The following TRIM63 variants were observed in gnomAD, a reference collection of about 807,000 sequenced individuals.
The protein encoded by TRIM63 is tripartite motif containing 63, also known as E3 ubiquitin-protein ligase TRIM63.
TRIM63 carries 48 observed loss-of-function variants against 46.0 expected under a neutral mutation model. The ratio of observed to expected loss-of-function variants is 1.04; its 90% CI spans 0.83 to 1.33. The LOEUF is 1.33. Among genes scored for constraint, TRIM63 ranks in the 40% most tolerant of loss-of-function variants. The probability of loss-of-function intolerance (pLI) is 0.00; values close to 1 mark genes in which losing one functional copy is unlikely to be tolerated. For missense variants in TRIM63, 455 were observed against 441.2 expected (o/e 1.03, Z -0.28); for synonymous variants, 175 against 162.8 (o/e 1.08, Z -0.57).
intron 2 of TRIM63, among the ~76,000 whole-genome samples, chr1:26,064,835 A>G (rs1380009870): frequency 6.6e-6 from 1 of 152,094 alleles, no homozygotes. Flanking sequence ...GGGTTTTTTC[A>G]CCTGAGATCT....
chr1:26,054,438 G>C (rs2050550976), intron 7 of TRIM63, among the ~76,000 whole-genome samples: 1 of 152,166 alleles, frequency 6.6e-6, no homozygotes, highest in Admixed American at 6.5e-5. Context: ...TCCTTAGCCT[G>C]TGGAGGGGAG....
intron 7 of TRIM63, among the ~76,000 whole-genome samples, chr1:26,056,060 C>T (rs915818981): frequency 6.6e-6 from 1 of 152,160 alleles, no homozygotes; most frequent in Non-Finnish European, 1.5e-5. Flanking sequence ...TTCCTTGTTC[C>T]TTCATCATCC....
In TRIM63 at chr1:26,052,068, C is replaced by T. The variant is rs111488967; in HGVS notation, c.1052-185G>A. On this transcript the variant is annotated intron_variant, in intron 8 of 8. Coordinates refer to ENST00000374272, the MANE Select transcript of TRIM63 (RefSeq NM_032588.4). ...TGCCCAAATATTATGGATTGTACAT[C>T]AGTACAAAACTCCAAAAGACTACCT... Among the ~76,000 whole-genome samples, 1,224 of 152,300 alleles carry T rather than the reference C, an allele frequency of 8.0e-3. 16 individuals carry two copies. The highest frequency in any genetic ancestry group is 0.027 in the African/African-American group (1,134 of 41,562).
Position 26,051,780 on chromosome 1 carries a change from C to CCCA in TRIM63, c.*92_*93insTGG. The CCCA allele has an allele frequency of 1.5e-6, 1 of 657,778 alleles. No homozygotes were observed. Among genetic ancestry groups the CCCA allele is most frequent in the East Asian group, 3.5e-5 (1 of 28,394 alleles). The allele number at this position is 657,778 out of a possible 1,614,324, so 40.7% of individuals were successfully genotyped here. A position where few individuals can be genotyped will look rare whatever the true frequency, so the allele number is the denominator to read the frequency against. On this transcript the variant is annotated 3_prime_UTR_variant, in exon 9 of 9. Coordinates refer to ENST00000374272, the MANE Select transcript of TRIM63 (RefSeq NM_032588.4). ...CATTGCCCCTCCAGGGGCCCCGACC[C>CCCA]CTCCCACCCTGGGCCTGTCACCAAG...
chr1:26,058,914 C>T (rs2050597423), intron 4 of TRIM63, among the ~76,000 whole-genome samples: 1 of 152,124 alleles, frequency 6.6e-6, no homozygotes, highest in Admixed American at 6.6e-5. Flanking sequence ...CTTCCTTGTT[C>T]CTGCACCCTC....
chr1:26,062,810 C>T (rs1198803541), intron 2 of TRIM63, among the ~76,000 whole-genome samples: 1 of 152,108 alleles, frequency 6.6e-6, no homozygotes, highest in Non-Finnish European at 1.5e-5. Context: ...TTTGCCCAGG[C>T]TGGAGTGCAG....
chr1:26,064,324 G>A lies in TRIM63; in HGVS notation c.332+1944C>T, dbSNP rs1205545016. The stretch of plus-strand genomic sequence containing the variant: ...CACGCATCTGTAGTCCCTGCTACTC[G>A]GGAAGCTGAGGCTGGGGAATCACTT... On this transcript the variant is annotated intron_variant, in intron 2 of 8. Transcript: ENST00000374272. Among the ~76,000 whole-genome samples, 12 of 152,036 alleles carry A rather than the reference G, an allele frequency of 7.9e-5. No homozygotes were observed. In the East Asian group the frequency reaches 1.4e-3, roughly 17 times the overall value.
chr1:26,062,288 A>T (rs1280347995), intron 2 of TRIM63, among the ~76,000 whole-genome samples: 2 of 151,938 alleles, frequency 1.3e-5, no homozygotes, highest in African/African-American at 4.8e-5. Flanking sequence ...AAAAAAAAGA[A>T]AGAAAGAAAG....
At chr1:26,066,173 T>C (rs1457767472) in intron 2 of TRIM63, 95 bp downstream of exon 2, 5 of 1,413,996 alleles carry the variant, frequency 3.5e-6, no homozygotes, top group Non-Finnish European at 4.9e-6. Flanking sequence ...GAGGCCTGGA[T>C]CCTGAGCAGA....
chr1:26,062,657 C>T (rs2050636657), intron 2 of TRIM63, among the ~76,000 whole-genome samples: 1 of 152,240 alleles, frequency 6.6e-6, no homozygotes, highest in Non-Finnish European at 1.5e-5. Context: ...TCTCCCCTAA[C>T]ACATATGCTT....
At chr1:26,055,320 T>C (rs1457089027) in intron 7 of TRIM63, among the ~76,000 whole-genome samples, 2 of 152,158 alleles carry the variant, frequency 1.3e-5, no homozygotes, top group Admixed American at 1.3e-4. Context: ...TGAAGTTGTG[T>C]TAAATGATAA....
rs750923921 is a variant in TRIM63, at chr1:26,051,827, C to T, written c.*46G>A. ...CAAGGCCGCTGGGCCCCTCCCCACC[C>T]TCTCCAGTCTCTCTGCATCTGGGGG... On this transcript the variant is annotated 3_prime_UTR_variant, in exon 9 of 9. Transcript: ENST00000374272. 7.5e-7 allele frequency: 1 copy of T among 1,340,874 alleles called. No individual in the cohort carries two copies. The highest frequency in any genetic ancestry group is 9.6e-7 in the Non-Finnish European group (1 of 1,039,524). 83.1% of individuals were successfully genotyped at this position (1,340,874 alleles called of 1,614,324 possible).
chr1:26,052,238 T>G (rs2124433952), intron 8 of TRIM63, among the ~76,000 whole-genome samples: 1 of 152,324 alleles, frequency 6.6e-6, no homozygotes, highest in East Asian at 1.9e-4. Context: ...CACTACAACC[T>G]TTTGACGTCA....
chr1:26,064,228 T>C (rs1026133485), intron 2 of TRIM63, among the ~76,000 whole-genome samples: 3 of 151,908 alleles, frequency 2.0e-5, no homozygotes, highest in Non-Finnish European at 4.4e-5. Context: ...GTCAGGAGTT[T>C]GAGACCAGCC....
intron 2 of TRIM63, among the ~76,000 whole-genome samples, chr1:26,061,746 G>A (rs565810407): frequency 6.6e-6 from 1 of 152,352 alleles, no homozygotes; most frequent in South Asian, 2.1e-4. Context: ...TAAGGGCAGA[G>A]GAGCCTAGAG....
At position 26,058,443 on chromosome 1, in the gene TRIM63, C is replaced by A. The variant is rs2050592331; in HGVS notation, c.778G>T (p.Val260Leu). Reference protein sequence around the residue: ...QEQLDKSTKLVETAIQSLDEP... With the variant: ...QEQLDKSTKLLETAIQSLDEP... ...TCCAGGGACTGGATGGCAGTTTCCA[C>A]CAGCTTTGTGGACTTGTCCAGCTGC... Residue 260 changes from valine (V) to leucine (L), a missense_variant, in exon 5 of 9, where the codon GTG (valine) becomes TTG (leucine). Val to Leu is a conservative substitution (Grantham distance 32). Coordinates refer to ENST00000374272, the MANE Select transcript of TRIM63 (RefSeq NM_032588.4). 3 of 1,614,058 alleles carry A rather than the reference C, an allele frequency of 1.9e-6. No individual in the cohort carries two copies. The South Asian group carries it at 3.3e-5, about 18-fold the overall frequency.
intron 2 of TRIM63, among the ~76,000 whole-genome samples, chr1:26,062,688 A>T (rs553223915): frequency 6.6e-6 from 1 of 152,272 alleles, no homozygotes; most frequent in South Asian, 2.1e-4. Flanking sequence ...TTCTTCCTTG[A>T]GACCTCCAAC....
At chr1:26,063,702 CT>C (rs1369126210) in intron 2 of TRIM63, among the ~76,000 whole-genome samples, 2 of 152,184 alleles carry the variant, frequency 1.3e-5, no homozygotes, top group Non-Finnish European at 2.9e-5. Flanking sequence ...GTGATTTCAC[CT>C]CTCTTGCCTG....
intron 3 of TRIM63, among the ~76,000 whole-genome samples, 170 bp from the exon 4 acceptor site, chr1:26,060,531 T>G (rs964495133): frequency 2.6e-5 from 4 of 152,116 alleles, no homozygotes; most frequent in African/African-American, 9.7e-5. Flanking sequence ...GTAGAGGATA[T>G]TAGAAAGATA....
Sources: allele counts gnomAD v4.1 joint callset (sites outside exome capture counted in the v4.1 genomes callset), GRCh38; gene constraint gnomAD v4.1.1; transcripts MANE v1.5; gene names NCBI Gene and HGNC (gene_info 2026-07-23, HGNC 2026-07-21).